Variants in PRKN observed in about 807,000 individuals in gnomAD.
The protein encoded by PRKN is parkin RBR E3 ubiquitin protein ligase.
Under a neutral mutation model 59.5 loss-of-function variants are expected in PRKN, and 56 were observed. The observed-to-expected ratio is 0.94, with a 90% confidence interval of 0.76 to 1.18. PRKN has a LOEUF of 1.18. PRKN is among the 50% of genes most tolerant of loss of function. PRKN has a pLI of 0.00. For synonymous variants in PRKN, 250 were observed against 222.1 expected, an observed-to-expected ratio of 1.13 and a Z score of -1.12; for missense variants, 657 against 596.4, an observed-to-expected ratio of 1.10 and a Z score of -1.06.
At chr6:162,627,015 G>A (rs1782924310) in intron 1 of PRKN, among the ~76,000 whole-genome samples, 1 of 152,044 alleles carries the variant, frequency 6.6e-6, no homozygotes, top group African/African-American at 2.4e-5. Context: ...TGTCCTGGAG[G>A]GAATCCAACA....
intron 5 of PRKN, among the ~76,000 whole-genome samples, chr6:162,010,665 TA>T: frequency 2.1e-4 from 1 of 4,858 alleles, no homozygotes; most frequent in Non-Finnish European, 2.4e-4. Context: ...ATATATTATA[TA>T]TAATATACTA....
At chr6:161,697,110 C>T (rs1369341881) in intron 7 of PRKN, among the ~76,000 whole-genome samples, 1 of 152,186 alleles carries the variant, frequency 6.6e-6, no homozygotes, top group Non-Finnish European at 1.5e-5. Context: ...GTCTGTGTGG[C>T]TCCGTGTGAA....
At chr6:162,673,213 C>T (rs890186047) in intron 1 of PRKN, among the ~76,000 whole-genome samples, 1 of 152,128 alleles carries the variant, frequency 6.6e-6, no homozygotes, top group Non-Finnish European at 1.5e-5. Context: ...CCCTGAAGCC[C>T]ACATGAGGTG....
chr6:162,244,454 A>G (rs1256401598), intron 3 of PRKN, among the ~76,000 whole-genome samples: 1 of 152,114 alleles, frequency 6.6e-6, no homozygotes, highest in Non-Finnish European at 1.5e-5. Context: ...AAAAATATAT[A>G]AAAGGATTAT....
At chr6:162,064,915 C>A (rs1011289491) in intron 4 of PRKN, among the ~76,000 whole-genome samples, 1 of 152,182 alleles carries the variant, frequency 6.6e-6, no homozygotes, top group Non-Finnish European at 1.5e-5. Flanking sequence ...TAAGGGCCCT[C>A]CCCACAGAAA....
At chr6:161,936,895 C>T (rs965676892) in intron 6 of PRKN, among the ~76,000 whole-genome samples, 4 of 151,468 alleles carry the variant, frequency 2.6e-5, no homozygotes, top group African/African-American at 7.3e-5. Flanking sequence ...AACTGATTAT[C>T]CTGCCTCAGC....
At chr6:162,619,710 T>TCACACA (rs56144864) in intron 1 of PRKN, among the ~76,000 whole-genome samples, 30 of 150,496 alleles carry the variant, frequency 2.0e-4, no homozygotes, top group African/African-American at 3.7e-4. Context: ...CTTTTTCCAC[T>TCACACA]CACACACACA....
At chr6:162,492,070 GCCTCATGC>G (rs1379184634) in intron 1 of PRKN, among the ~76,000 whole-genome samples, 2 of 152,098 alleles carry the variant, frequency 1.3e-5, no homozygotes, top group African/African-American at 2.4e-5. Context: ...TCTGAACTCG[GCCTCATGC>G]CCTCATGCCC....
At chr6:162,311,308 A>G (rs989729402) in intron 2 of PRKN, among the ~76,000 whole-genome samples, 12 of 152,152 alleles carry the variant, frequency 7.9e-5, no homozygotes, top group Non-Finnish European at 1.8e-4. Context: ...GCAACTCATA[A>G]TCATTAGCTC....
At position 161,545,748 on chromosome 6, in the gene PRKN, A is replaced by G. The variant is rs140935273; in HGVS notation, c.1083+3106T>C. Reference sequence around the variant, plus strand: ...CCACAGATGTAGCTTTAGATTTTCTAGCAGTCAACTGTCAGAGGAAAACCT... The same window carrying G: ...CCACAGATGTAGCTTTAGATTTTCTGGCAGTCAACTGTCAGAGGAAAACCT... On this transcript the variant is annotated intron_variant, in intron 9 of 11. Transcript: ENST00000366898. The surrounding 1 kb of genome is among the most constrained non-coding windows in gnomAD (Gnocchi z 4.1). 6.6e-6 allele frequency among the ~76,000 whole-genome samples: 1 copy of G among 152,340 alleles called. No individual in the cohort carries two copies. Among genetic ancestry groups the G allele is most frequent in the Non-Finnish European group, 1.5e-5 (1 of 68,022 alleles).
Position 161,973,284 on chromosome 6 carries a change from C to T in PRKN, c.734+18G>A. On this transcript the variant is annotated intron_variant, in intron 6 of 11. Transcript: ENST00000366898. ...CTCACGTCCGTGGAGGGAAGTGACA[C>T]TATTTTTAGATCCTTACCTGACGTC... The T allele has an allele frequency of 6.6e-7, 1 of 1,521,888 alleles. No individual in the cohort carries two copies. Among genetic ancestry groups the T allele is most frequent in the Non-Finnish European group, 9.1e-7 (1 of 1,095,720 alleles). The allele number at this position is 1,521,888 out of a possible 1,614,324, so 94.3% of individuals were successfully genotyped here.
At chr6:161,847,397 A>G (rs760366771) in intron 6 of PRKN, among the ~76,000 whole-genome samples, 50 of 152,106 alleles carry the variant, frequency 3.3e-4, no homozygotes, top group Non-Finnish European at 1.8e-4. Context: ...CTCTAAGGAG[A>G]CTATCAGAAG....
intron 5 of PRKN, among the ~76,000 whole-genome samples, chr6:162,053,165 T>C (rs371355450): frequency 2.6e-4 from 39 of 152,272 alleles, no homozygotes; most frequent in African/African-American, 9.4e-4. Context: ...AGTGACTGTT[T>C]ATTGTTGCCC....
chr6:161,546,766 G>A lies in PRKN; in HGVS notation c.1083+2088C>T, dbSNP rs1306216242. On this transcript the variant is annotated intron_variant, in intron 9 of 11. Transcript: ENST00000366898. This position sits in a 1 kb window ranked among gnomAD's most constrained non-coding sequence, Gnocchi z 4.4. ...GTGACAGGTGCAGCTTTGGGGATTT[G>A]GTCCTACAAGGCACTGTAGCTTCTC... Among the ~76,000 whole-genome samples, 1 of 151,886 alleles carries A rather than the reference G, an allele frequency of 6.6e-6. No homozygotes were observed. The highest frequency in any genetic ancestry group is 2.4e-5 in the African/African-American group (1 of 41,348).
At chr6:162,569,182 T>G (rs1780209599) in intron 1 of PRKN, 1 of 579,180 alleles carries the variant, frequency 1.7e-6, no homozygotes, top group Non-Finnish European at 3.2e-6. Flanking sequence ...GAGCTGCAGA[T>G]GCAAAGACTG....
intron 2 of PRKN, among the ~76,000 whole-genome samples, chr6:162,289,452 C>A (rs1225333751): frequency 6.6e-6 from 1 of 151,946 alleles, no homozygotes; most frequent in East Asian, 1.9e-4. Flanking sequence ...GTAATCCCAG[C>A]ACTTTGGGAG....
chr6:162,678,572 G>GT (rs1236521581), intron 1 of PRKN, among the ~76,000 whole-genome samples: 1 of 152,106 alleles, frequency 6.6e-6, no homozygotes, highest in Non-Finnish European at 1.5e-5. Context: ...CTTTGCATGT[G>GT]TTTACTTGTC....
chr6:162,207,622 G>A (rs1489402267), intron 3 of PRKN, among the ~76,000 whole-genome samples: 1 of 152,074 alleles, frequency 6.6e-6, no homozygotes, highest in Non-Finnish European at 1.5e-5. Context: ...TATGTGAGTG[G>A]ACCACTCTCT....
intron 1 of PRKN, among the ~76,000 whole-genome samples, chr6:162,461,784 C>T (rs1791190386): frequency 6.6e-6 from 1 of 151,170 alleles, no homozygotes; most frequent in Non-Finnish European, 1.5e-5. Context: ...CAAGATCACG[C>T]CACTGCACTG....
Sources: allele counts gnomAD v4.1 joint callset (sites outside exome capture counted in the v4.1 genomes callset), GRCh38; gene constraint gnomAD v4.1.1; non-coding constraint Gnocchi (gnomAD v3.1); transcripts MANE v1.5; gene names NCBI Gene and HGNC (gene_info 2026-07-23, HGNC 2026-07-21).